The following SLC35F1 variants were observed in gnomAD, a reference collection of about 807,000 sequenced individuals.
The protein encoded by SLC35F1 is chromosome 6 open reading frame 169.
SLC35F1 carries 14 observed loss-of-function variants against 48.7 expected under a neutral mutation model. The observed-to-expected ratio is 0.29, with a 90% CI of 0.19 to 0.45. The LOEUF (loss-of-function observed/expected upper bound fraction) is 0.45, where lower values mean the gene tolerates loss of function less well. Ranked by LOEUF, SLC35F1 falls within the 20% of genes least tolerant of loss-of-function variation. The pLI is 1.00. For synonymous variants in SLC35F1, 190 were observed against 202.2 expected (o/e 0.94, Z 0.51); for missense variants, 404 against 500.0 (o/e 0.81, Z 1.83).
At chr6:118,230,679 A>G (rs1315444251) in intron 2 of SLC35F1, among the ~76,000 whole-genome samples, 12 of 152,188 alleles carry the variant, frequency 7.9e-5, no homozygotes, top group Admixed American at 7.9e-4. Flanking sequence ...CCTAAAAGAT[A>G]CATAACAAAA....
chr6:117,914,146 C>T (rs746521218), intron 1 of SLC35F1, among the ~76,000 whole-genome samples: 8 of 150,882 alleles, frequency 5.3e-5, no homozygotes, highest in Non-Finnish European at 1.2e-4. Context: ...ATCTGTCTAT[C>T]CACATATATA....
intron 2 of SLC35F1, among the ~76,000 whole-genome samples, chr6:118,196,020 C>T (rs1424357588): frequency 6.6e-6 from 1 of 152,180 alleles, no homozygotes; most frequent in Non-Finnish European, 1.5e-5. Flanking sequence ...TTTGGGCAGC[C>T]CCCAGAATCG....
chr6:118,195,619 C>T (rs1774790614), intron 2 of SLC35F1, among the ~76,000 whole-genome samples: 1 of 152,164 alleles, frequency 6.6e-6, no homozygotes, highest in Admixed American at 6.5e-5. Flanking sequence ...TTATCATTTA[C>T]TACCAGTTTC....
intron 1 of SLC35F1, among the ~76,000 whole-genome samples, chr6:117,928,859 G>C (rs907873948): frequency 6.6e-6 from 1 of 152,142 alleles, no homozygotes; most frequent in African/African-American, 2.4e-5. Flanking sequence ...GGTAGTTACG[G>C]TGATTGTGAA....
At chr6:118,096,421 A>G (rs1562289058) in intron 1 of SLC35F1, among the ~76,000 whole-genome samples, 1 of 152,200 alleles carries the variant, frequency 6.6e-6, no homozygotes, top group Non-Finnish European at 1.5e-5. Context: ...CCTTTTAGCC[A>G]TCTCAAATCT....
chr6:117,993,826 G>A (rs530431818), intron 1 of SLC35F1, among the ~76,000 whole-genome samples: 13 of 152,230 alleles, frequency 8.5e-5, no homozygotes, highest in Admixed American at 5.9e-4. Context: ...TGGCACAAAG[G>A]GCAGGCAGCT....
chr6:118,314,537 T>C lies in SLC35F1; in HGVS notation c.*285T>C. On this transcript the variant is annotated 3_prime_UTR_variant, in exon 8 of 8. Transcript: ENST00000360388. ...TTTGAATCAAAAGCAAGTATTATTG[T>C]TATTATGATTTGTATTATTATTATT... 2.4e-6 allele frequency: 1 copy of C among 409,412 alleles called. No individual in the cohort carries two copies. Among genetic ancestry groups the C allele is most frequent in the Admixed American group, 3.6e-5 (1 of 27,514 alleles). 25.4% of individuals were successfully genotyped at this position (409,412 alleles called of 1,614,324 possible). A position where few individuals can be genotyped will look rare whatever the true frequency, so the allele number is the denominator to read the frequency against.
Position 118,137,815 on chromosome 6 carries a change from A to G in SLC35F1, c.174-16630A>G, listed in dbSNP as rs1378623724. ...GTGGATCTAGGTCCCTATCATTTAT[A>G]GAACCTACCATAGTCTTGGGGAATC... is the stretch of plus-strand genomic sequence containing the variant. On this transcript the variant is annotated intron_variant, in intron 1 of 7. Coordinates refer to ENST00000360388, the MANE Select transcript of SLC35F1 (RefSeq NM_001029858.4). 2.0e-5 allele frequency among the ~76,000 whole-genome samples: 3 copies of G among 152,278 alleles called. No individual in the cohort carries two copies. The East Asian group carries it at 5.8e-4, about 29-fold the overall frequency.
chr6:118,018,736 A>G (rs778717049), intron 1 of SLC35F1, among the ~76,000 whole-genome samples: 1 of 152,172 alleles, frequency 6.6e-6, no homozygotes, highest in Non-Finnish European at 1.5e-5. Context: ...TACTGCCCCC[A>G]TAGAGCTAGC....
At chr6:118,303,688 T>G (rs926007782) in intron 7 of SLC35F1, among the ~76,000 whole-genome samples, 2 of 152,234 alleles carry the variant, frequency 1.3e-5, no homozygotes, top group African/African-American at 4.8e-5. Flanking sequence ...CTTTGTTTGC[T>G]AAGATGATCA....
chr6:118,309,358 G>A (rs1776348375), intron 7 of SLC35F1, among the ~76,000 whole-genome samples: 1 of 152,014 alleles, frequency 6.6e-6, no homozygotes, highest in Non-Finnish European at 1.5e-5. Context: ...TTTAAAAGCT[G>A]TATTACACAG....
chr6:118,247,252 C>G (rs1383393031), intron 3 of SLC35F1, among the ~76,000 whole-genome samples: 4 of 152,108 alleles, frequency 2.6e-5, no homozygotes, highest in African/African-American at 9.7e-5. Context: ...GTTAGGAAAC[C>G]CACATTCCAA....
intron 1 of SLC35F1, among the ~76,000 whole-genome samples, chr6:118,011,048 A>C (rs952662635): frequency 6.6e-6 from 1 of 152,168 alleles, no homozygotes; most frequent in East Asian, 1.9e-4. Flanking sequence ...GGGGTGCTGC[A>C]AAACATCCAA....
chr6:118,280,483 T>A (rs1003634671), intron 6 of SLC35F1, among the ~76,000 whole-genome samples: 2 of 152,140 alleles, frequency 1.3e-5, no homozygotes, highest in East Asian at 3.9e-4. Context: ...TTGGTTTTAG[T>A]GTTTTTCCTG....
At chr6:117,999,145 G>T (rs1487850387) in intron 1 of SLC35F1, 14 of 1,589,818 alleles carry the variant, frequency 8.8e-6, no homozygotes, top group African/African-American at 5.4e-5. Context: ...TAAAGAAGAT[G>T]CAGGCCAACA....
intron 1 of SLC35F1, among the ~76,000 whole-genome samples, chr6:118,086,201 A>G (rs1772987635): frequency 2.0e-5 from 3 of 152,182 alleles, no homozygotes; most frequent in Admixed American, 2.0e-4. Context: ...CAATTCACCC[A>G]TTGGAGACTA....
At chr6:118,173,002 T>C (rs1774429442) in intron 2 of SLC35F1, among the ~76,000 whole-genome samples, 1 of 152,106 alleles carries the variant, frequency 6.6e-6, no homozygotes, top group Admixed American at 6.6e-5. Context: ...ATAATCATAC[T>C]GTGCACTATT....
At chr6:118,233,082 C>T (rs919904477) in intron 2 of SLC35F1, among the ~76,000 whole-genome samples, 3 of 152,092 alleles carry the variant, frequency 2.0e-5, no homozygotes, top group African/African-American at 7.2e-5. Context: ...TCTCCTGCCT[C>T]AACCTCCTGA....
At chr6:118,299,834 C>T (rs1776235365) in intron 7 of SLC35F1, among the ~76,000 whole-genome samples, 1 of 152,196 alleles carries the variant, frequency 6.6e-6, no homozygotes, top group African/African-American at 2.4e-5. Context: ...GAATTCTATA[C>T]AGGGACCCCT....
Sources: allele counts gnomAD v4.1 joint callset (sites outside exome capture counted in the v4.1 genomes callset), GRCh38; gene constraint gnomAD v4.1.1; transcripts MANE v1.5; gene names NCBI Gene and HGNC (gene_info 2026-07-23, HGNC 2026-07-21).